The following CDH18 variants were observed in gnomAD, a reference collection of about 807,000 sequenced individuals.
CDH18 encodes cadherin 18.
CDH18 carries 31 observed loss-of-function variants against 67.9 expected under a neutral mutation model. The ratio of observed to expected loss-of-function variants is 0.46; its 90% CI spans 0.34 to 0.62. The LOEUF (loss-of-function observed/expected upper bound fraction) is 0.62. Ranked by LOEUF, CDH18 falls within the 20% of genes least tolerant of loss-of-function variation. The pLI is 0.01. For synonymous variants in CDH18, 362 were observed against 347.2 expected (o/e 1.04, Z -0.48); for missense variants, 890 against 975.5 (o/e 0.91, Z 1.17).
intron 1 of CDH18, among the ~76,000 whole-genome samples, chr5:20,401,356 G>T (rs1051705282): frequency 2.0e-5 from 3 of 152,152 alleles, no homozygotes; most frequent in African/African-American, 7.2e-5. Context: ...ATTAATTACA[G>T]TCAAGGAATG....
chr5:19,554,542 C>A (rs1399331115), intron 8 of CDH18, among the ~76,000 whole-genome samples: 4 of 150,478 alleles, frequency 2.7e-5, no homozygotes, highest in Admixed American at 2.7e-4. Context: ...AAGAGCATAA[C>A]TTCATCTCAA....
chr5:19,523,398 A>T lies in CDH18; in HGVS notation c.1391-2620T>A, dbSNP rs1747235969. On this transcript the variant is annotated intron_variant, in intron 9 of 12. Coordinates refer to ENST00000382275, the MANE Select transcript of CDH18 (RefSeq NM_004934.5). ...CCAAATATATCATGAAGAGGAAAAAAATTACAATTTGGGTGAACACATTTG... is the reference window on the plus strand; with the variant it reads ...CCAAATATATCATGAAGAGGAAAAATATTACAATTTGGGTGAACACATTTG... 2.0e-5 allele frequency among the ~76,000 whole-genome samples: 3 copies of T among 152,266 alleles called. No individual in the cohort carries two copies. The South Asian group carries it at 6.2e-4, about 32-fold the overall frequency.
At chr5:20,496,995 C>T (rs563011911) in intron 1 of CDH18, among the ~76,000 whole-genome samples, 2 of 151,816 alleles carry the variant, frequency 1.3e-5, no homozygotes, top group East Asian at 3.9e-4. Context: ...CAGTGTGGCC[C>T]CACAGAGAAG....
chr5:19,764,688 A>G (rs1772845853), intron 3 of CDH18, among the ~76,000 whole-genome samples: 2 of 151,264 alleles, frequency 1.3e-5, no homozygotes, highest in South Asian at 4.2e-4. Flanking sequence ...TATCTTTATA[A>G]CCATATATGT....
At chr5:20,182,014 C>T (rs570415609) in intron 2 of CDH18, among the ~76,000 whole-genome samples, 80 of 152,076 alleles carry the variant, frequency 5.3e-4, no homozygotes, top group Non-Finnish European at 9.1e-4. Context: ...TGTGAAATTG[C>T]CAGAACAAAG....
chr5:20,465,440 C>T (rs538723687), intron 1 of CDH18, among the ~76,000 whole-genome samples: 2 of 151,922 alleles, frequency 1.3e-5, no homozygotes, highest in South Asian at 4.2e-4. Context: ...TATTTTGTTC[C>T]AGGATATTAC....
chr5:19,720,725 TAAAAG>T (rs1581050003), intron 5 of CDH18, among the ~76,000 whole-genome samples: 2 of 152,096 alleles, frequency 1.3e-5, no homozygotes, highest in African/African-American at 4.8e-5. Flanking sequence ...CAGTAAAAAA[TAAAAG>T]GAGAGCAGAA....
intron 1 of CDH18, among the ~76,000 whole-genome samples, chr5:20,369,077 C>T (rs898603184): frequency 6.6e-6 from 1 of 151,986 alleles, no homozygotes; most frequent in Non-Finnish European, 1.5e-5. Context: ...TCAGCTTGCC[C>T]TTGACTGCTA....
chr5:19,672,206 C>G (rs904765563), intron 5 of CDH18, among the ~76,000 whole-genome samples: 1 of 152,054 alleles, frequency 6.6e-6, no homozygotes, highest in African/African-American at 2.4e-5. Context: ...ATCAGCATCC[C>G]CTAGTTATAA....
chr5:20,498,231 C>T (rs1274660553), intron 1 of CDH18, among the ~76,000 whole-genome samples: 2 of 151,932 alleles, frequency 1.3e-5, no homozygotes, highest in Non-Finnish European at 1.5e-5. Flanking sequence ...CAAGTCCATA[C>T]ATAATTTTTG....
intron 11 of CDH18, among the ~76,000 whole-genome samples, chr5:19,500,092 C>T (rs111394723): frequency 0.01 from 1,545 of 148,950 alleles, 21 homozygotes; most frequent in African/African-American, 0.036. Context: ...TTTTAATGTT[C>T]TGTGGGCATG....
chr5:19,909,125 A>G (rs1790843222), intron 2 of CDH18, among the ~76,000 whole-genome samples: 3 of 152,074 alleles, frequency 2.0e-5, no homozygotes, highest in African/African-American at 4.8e-5. Context: ...TGCATTTTCT[A>G]CATTTATGGA....
intron 5 of CDH18, among the ~76,000 whole-genome samples, chr5:19,670,066 T>C (rs548412571): frequency 4.0e-5 from 6 of 151,880 alleles, no homozygotes; most frequent in Non-Finnish European, 8.8e-5. Flanking sequence ...TTAGAATGAG[T>C]GGGAATGAAC....
intron 6 of CDH18, among the ~76,000 whole-genome samples, chr5:19,601,170 C>T (rs1253844176): frequency 1.3e-5 from 2 of 152,102 alleles, no homozygotes; most frequent in East Asian, 3.9e-4. Flanking sequence ...CAGGAGGTTA[C>T]AAGCCAGTTC....
At chr5:20,304,077 G>A in intron 1 of CDH18, 1 of 1,609,928 alleles carries the variant, frequency 6.2e-7, no homozygotes, top group East Asian at 2.2e-5. Context: ...AAAATTTTGT[G>A]CAACTCGTCT....
intron 8 of CDH18, among the ~76,000 whole-genome samples, chr5:19,560,755 T>G (rs968826715): frequency 8.6e-5 from 13 of 151,944 alleles, no homozygotes; most frequent in African/African-American, 3.1e-4. Context: ...ATCTTCACAA[T>G]CTATACATCT....
intron 3 of CDH18, among the ~76,000 whole-genome samples, chr5:19,818,273 C>T (rs568091465): frequency 8.9e-4 from 135 of 152,248 alleles, no homozygotes; most frequent in East Asian, 2.5e-3. Context: ...CTTAGCTCCT[C>T]ACTCAGTAAT....
At chr5:19,701,994 A>C (rs2150481659) in intron 5 of CDH18, among the ~76,000 whole-genome samples, 1 of 152,138 alleles carries the variant, frequency 6.6e-6, no homozygotes, top group African/African-American at 2.4e-5. Context: ...ATTTATCATG[A>C]CCTAAGTGGC....
At chr5:20,454,006 C>A (rs1365978075) in intron 1 of CDH18, among the ~76,000 whole-genome samples, 1 of 152,008 alleles carries the variant, frequency 6.6e-6, no homozygotes, top group Non-Finnish European at 1.5e-5. Flanking sequence ...AGACTATATG[C>A]TCTTCTGAAG....
Sources: gnomAD v4.1 joint callset for allele counts (sites outside exome capture counted in the v4.1 genomes callset) on GRCh38, gnomAD v4.1.1 for gene constraint, MANE v1.5 for transcripts, NCBI Gene and HGNC (gene_info 2026-07-23, HGNC 2026-07-21) for gene names.